Variants in PKHD1L1 observed in about 807,000 individuals in gnomAD.
The protein encoded by PKHD1L1 is fibrocystin-L.
A neutral mutation model predicts 462.9 loss-of-function variants in PKHD1L1; 434 were observed. The observed-to-expected ratio is 0.94, with a 90% CI of 0.87 to 1.02. The LOEUF (loss-of-function observed/expected upper bound fraction) is 1.02, where lower values mean the gene tolerates loss of function less well. Among genes scored for constraint, PKHD1L1 ranks in the 50% least tolerant of loss-of-function variants. PKHD1L1 has a pLI of 0.00. For missense variants in PKHD1L1, 5,202 were observed against 5,096.1 expected, an observed-to-expected ratio of 1.02 and a Z score of -0.63; for synonymous variants, 1,781 against 1,750.0, an observed-to-expected ratio of 1.02 and a Z score of -0.44.
At chr8:109,483,160 A>G (rs1346725872) in intron 57 of PKHD1L1, 55 bp downstream of exon 57, 1 of 1,285,054 alleles carries the variant, frequency 7.8e-7, no homozygotes, top group Non-Finnish European at 1.0e-6. Context: ...GTCAGCTGAA[A>G]AAAGTTTCTA....
intron 8 of PKHD1L1, 36 bp downstream of exon 8, chr8:109,389,188 G>A (rs747043649): frequency 6.0e-6 from 9 of 1,501,472 alleles, no homozygotes; most frequent in Admixed American, 1.7e-5. Flanking sequence ...AATGCTCACA[G>A]ATGCCTTATT....
intron 70 of PKHD1L1, among the ~76,000 whole-genome samples, chr8:109,508,835 G>A (rs892599037): frequency 9.9e-5 from 15 of 152,102 alleles, no homozygotes; most frequent in Non-Finnish European, 2.9e-5. Context: ...TTAGGAGGCT[G>A]TAGCAGAGAA....
At chr8:109,381,795 G>A (rs1158307102) in intron 3 of PKHD1L1, among the ~76,000 whole-genome samples, 1 of 151,926 alleles carries the variant, frequency 6.6e-6, no homozygotes, top group Non-Finnish European at 1.5e-5. Flanking sequence ...CTATTTAATT[G>A]TAATGATGTG....
At chr8:109,375,096 T>C (rs1458928868) in intron 2 of PKHD1L1, among the ~76,000 whole-genome samples, 1 of 152,224 alleles carries the variant, frequency 6.6e-6, no homozygotes, top group Non-Finnish European at 1.5e-5. Context: ...TGCAGAGCGT[T>C]TTCCAACTTG....
chr8:109,499,642 A>G (rs1819300392), intron 67 of PKHD1L1, among the ~76,000 whole-genome samples: 3 of 152,264 alleles, frequency 2.0e-5, no homozygotes, highest in South Asian at 2.1e-4. Context: ...TTGAAAGAAC[A>G]TTAATAACTA....
chr8:109,376,307 G>A (rs986883693), intron 2 of PKHD1L1, among the ~76,000 whole-genome samples: 5 of 152,228 alleles, frequency 3.3e-5, no homozygotes, highest in African/African-American at 1.2e-4. Flanking sequence ...GCCATGTGCA[G>A]GATATAATCT....
intron 10 of PKHD1L1, 91 bp downstream of exon 10, chr8:109,394,576 GTATTA>G (rs1411179289): frequency 1.3e-6 from 1 of 788,376 alleles, no homozygotes; most frequent in East Asian, 3.2e-5. Context: ...AGTGTAAGGT[GTATTA>G]TATTATTTGA....
chr8:109,419,188 G>T lies in PKHD1L1; in HGVS notation c.2452G>T (p.Ala818Ser). 6.2e-7 allele frequency: 1 copy of T among 1,613,452 alleles called. No homozygotes were observed. Among genetic ancestry groups the T allele is most frequent in the Non-Finnish European group, 8.5e-7 (1 of 1,179,534 alleles). ...VSLQRISLHK[A>S]SESQSFYVDV... The stretch of plus-strand genomic sequence containing the variant: ...TCTTCAGAGGATTAGCTTACATAAA[G>T]CATCAGAATCACAGTCCTTCTATGT... The change falls in exon 22 of 78, where the codon GCA becomes TCA. Residue 818 changes from alanine (A) to serine (S), a missense_variant. Coordinates refer to ENST00000378402, the MANE Select transcript of PKHD1L1 (RefSeq NM_177531.6).
chr8:109,498,427 A>G, intron 65 of PKHD1L1, 35 bp from the exon 66 acceptor site: 3 of 1,480,452 alleles, frequency 2.0e-6, no homozygotes, highest in South Asian at 2.3e-5. Context: ...AAGAGCTATT[A>G]TTAATGCTAT....
intron 4 of PKHD1L1, 60 bp downstream of exon 4, chr8:109,382,631 A>G (rs932561692): frequency 5.1e-6 from 7 of 1,381,458 alleles, no homozygotes; most frequent in Non-Finnish European, 6.9e-6. Context: ...TTCCTGCAGA[A>G]CTGAATTTTT....
At chr8:109,383,092 A>G (rs1270155676) in intron 4 of PKHD1L1, among the ~76,000 whole-genome samples, 13 of 124,722 alleles carry the variant, frequency 1.0e-4, no homozygotes, top group African/African-American at 4.0e-4. Flanking sequence ...TAGTTATTAT[A>G]TATAATATAT....
At chr8:109,404,752 G>A (rs991412550) in intron 15 of PKHD1L1, 39 bp downstream of exon 15, 31 of 1,531,178 alleles carry the variant, frequency 2.0e-5, no homozygotes, top group Non-Finnish European at 2.6e-5. Flanking sequence ...GAAAGTAAAT[G>A]TTCGAAGGCA....
At position 109,448,218 on chromosome 8, in the gene PKHD1L1, A is replaced by C; in HGVS notation, c.5852A>C (p.Asn1951Thr). 6.2e-7 allele frequency: 1 copy of C among 1,613,422 alleles called. No individual in the cohort carries two copies. The highest frequency in any genetic ancestry group is 2.2e-5 in the East Asian group (1 of 44,870). The change falls in exon 39 of 78, where the codon AAT becomes ACT. Residue 1951 changes from asparagine (N) to threonine (T), a missense_variant. This residue lies in a region of PKHD1L1 where 4,497 missense variants were observed against 4,336.8 expected (regional missense o/e 1.04). Transcript: ENST00000378402. ...ATCTTGGAAATCTCCGTGATGATAAATAACATTCAGTGTAATGTAACCATG... is the reference window on the plus strand; with the variant it reads ...ATCTTGGAAATCTCCGTGATGATAACTAACATTCAGTGTAATGTAACCATG... ...FEILEISVMI[N>T]NIQCNVTMAN...
chr8:109,443,660 GT>G lies in PKHD1L1; in HGVS notation c.4565-14del, dbSNP rs1327406323. ...AATGTTATTCATGACTTAACGGGCA[GT>G]TCTTTTGTCTAAAGGAGGACCTGAG... is the stretch of plus-strand genomic sequence containing the variant. On this transcript the variant is annotated splice_polypyrimidine_tract_variant and intron_variant, in intron 36 of 77. Coordinates refer to ENST00000378402, the MANE Select transcript of PKHD1L1 (RefSeq NM_177531.6). The G allele has an allele frequency of 1.3e-5, 20 of 1,592,444 alleles. No individual in the cohort carries two copies.
intron 41 of PKHD1L1, among the ~76,000 whole-genome samples, chr8:109,451,387 C>T (rs1264152607): frequency 1.3e-5 from 2 of 152,138 alleles, no homozygotes; most frequent in Non-Finnish European, 2.9e-5. Context: ...GATGTTTTTA[C>T]CTCGTTTTAT....
Position 109,436,345 on chromosome 8 carries a change from T to C in PKHD1L1, c.3513T>C (p.Thr1171=), listed in dbSNP as rs1256126676. The C allele has an allele frequency of 6.2e-7, 1 of 1,611,452 alleles. No homozygotes were observed. The highest frequency in any genetic ancestry group is 8.5e-7 in the Non-Finnish European group (1 of 1,179,382). ...TTTGCTTTTCTTATGAAGGTGGTAC[T>C]CTACTGACTTTATCTGGATTTGGCT... is the stretch of plus-strand genomic sequence containing the variant. ...WPDSGSIAGG[T]LLTLSGFGFN... Residue 1171 remains threonine (T), a synonymous_variant, in exon 30 of 78, where the codon ACT becomes ACC. Transcript: ENST00000378402.
At chr8:109,407,522 C>T (rs192365572) in intron 17 of PKHD1L1, among the ~76,000 whole-genome samples, 57 of 152,178 alleles carry the variant, frequency 3.7e-4, no homozygotes, top group African/African-American at 1.3e-3. Context: ...AGAAGAGAGA[C>T]ATTTGAGGAC....
intron 2 of PKHD1L1, among the ~76,000 whole-genome samples, chr8:109,372,787 G>C (rs1429086954): frequency 6.6e-6 from 1 of 152,132 alleles, no homozygotes; most frequent in Non-Finnish European, 1.5e-5. Context: ...CTTTGGTTCT[G>C]TTTATATGCT....
intron 2 of PKHD1L1, among the ~76,000 whole-genome samples, chr8:109,378,148 A>G (rs1320768876): frequency 6.6e-6 from 1 of 152,188 alleles, no homozygotes; most frequent in African/African-American, 2.4e-5. Context: ...ACTCCAAAAA[A>G]TGTTAGCAAT....
Sources: allele counts gnomAD v4.1 joint callset (sites outside exome capture counted in the v4.1 genomes callset), GRCh38; gene constraint gnomAD v4.1.1; regional missense constraint gnomAD v4.1.1; transcripts MANE v1.5; gene names NCBI Gene and HGNC (gene_info 2026-07-23, HGNC 2026-07-21).